The following RAB1A variants were observed in gnomAD, a reference collection of about 807,000 sequenced individuals.
RAB1A encodes RAB1A, member RAS oncogene family.
RAB1A carries 2 observed loss-of-function variants against 26.0 expected under a neutral mutation model. The ratio of observed to expected loss-of-function variants is 0.08; its 90% CI spans 0.03 to 0.24. RAB1A has a LOEUF of 0.24. Among genes scored for constraint, RAB1A ranks in the 10% least tolerant of loss-of-function variants. The pLI, the probability that RAB1A is intolerant of heterozygous loss-of-function variation, is 1.00. For synonymous variants in RAB1A, 84 were observed against 84.9 expected, an observed-to-expected ratio of 0.99 and a Z score of 0.06; for missense variants, 100 against 247.0, an observed-to-expected ratio of 0.40 and a Z score of 3.99.
At chr2:65,099,723 C>T (rs1669373394) in intron 2 of RAB1A, among the ~76,000 whole-genome samples, 1 of 152,196 alleles carries the variant, frequency 6.6e-6, no homozygotes, top group Non-Finnish European at 1.5e-5. Flanking sequence ...CTCAAGCAAT[C>T]CTCCCACCTT....
chr2:65,093,595 T>A (rs1370490548), intron 3 of RAB1A, among the ~76,000 whole-genome samples: 1 of 151,520 alleles, frequency 6.6e-6, no homozygotes, highest in Non-Finnish European at 1.5e-5. Flanking sequence ...GAGGAAATGA[T>A]AGGATTAAAA....
At chr2:65,128,155 T>C (rs997092001) in intron 1 of RAB1A, among the ~76,000 whole-genome samples, 3 of 152,206 alleles carry the variant, frequency 2.0e-5, no homozygotes, top group African/African-American at 2.4e-5. Context: ...AATTCTTTTA[T>C]ATACATTTGA....
At chr2:65,124,693 C>T (rs528336414) in intron 1 of RAB1A, among the ~76,000 whole-genome samples, 4 of 152,186 alleles carry the variant, frequency 2.6e-5, no homozygotes, top group East Asian at 1.9e-4. Context: ...GGTGATCTAC[C>T]GCCTGGGCCT....
chr2:65,105,296 G>C (rs1669526668), intron 1 of RAB1A: 1 of 198,732 alleles, frequency 5.0e-6, no homozygotes, highest in South Asian at 7.2e-5. Context: ...CTTGAGGTCA[G>C]GAGTTCAAGA....
At chr2:65,092,031 T>C (rs754872599) in intron 3 of RAB1A, among the ~76,000 whole-genome samples, 1 of 152,126 alleles carries the variant, frequency 6.6e-6, no homozygotes, top group Non-Finnish European at 1.5e-5. Context: ...TCCCAGCACT[T>C]TGTGGGGCCG....
At chr2:65,129,586 A>C (rs977888611) in intron 1 of RAB1A, among the ~76,000 whole-genome samples, 2 of 151,760 alleles carry the variant, frequency 1.3e-5, no homozygotes, top group Non-Finnish European at 2.9e-5. Flanking sequence ...CTCCGAGAGA[A>C]GATACCCCTT....
chr2:65,100,171 G>A (rs1050763411), intron 2 of RAB1A, among the ~76,000 whole-genome samples: 2 of 152,074 alleles, frequency 1.3e-5, no homozygotes, highest in East Asian at 1.9e-4. Flanking sequence ...GGAGGCCAAG[G>A]TGAGTGGATC....
At chr2:65,127,619 G>C (rs1033013488) in intron 1 of RAB1A, among the ~76,000 whole-genome samples, 2 of 152,156 alleles carry the variant, frequency 1.3e-5, no homozygotes, top group South Asian at 2.1e-4. Flanking sequence ...CCAACTTCTC[G>C]GGAATCTGAG....
intron 1 of RAB1A, among the ~76,000 whole-genome samples, chr2:65,116,426 T>C (rs1180216894): frequency 6.6e-6 from 1 of 152,216 alleles, no homozygotes; most frequent in Non-Finnish European, 1.5e-5. Flanking sequence ...CCATAGGATC[T>C]TGGTGCAAGT....
chr2:65,129,981 C>CGCCACG lies in RAB1A; in HGVS notation c.-72_-67dup. On this transcript the variant is annotated 5_prime_UTR_variant, in exon 1 of 6. Coordinates refer to ENST00000409784, the MANE Select transcript of RAB1A (RefSeq NM_004161.5). ...CCGCAGCCGCCGCCCTGACTCTCCGCGCCACGGGTAATCGAAAGAAAGGAA... is the reference window on the plus strand; with the variant it reads ...CCGCAGCCGCCGCCCTGACTCTCCGCGCCACGGCCACGGGTAATCGAAAGAAAGGAA... 6.6e-7 allele frequency: 1 copy of CGCCACG among 1,524,900 alleles called. No homozygotes were observed. Among genetic ancestry groups the CGCCACG allele is most frequent in the Non-Finnish European group, 8.9e-7 (1 of 1,121,364 alleles). 94.5% of individuals were successfully genotyped at this position (1,524,900 alleles called of 1,614,324 possible).
chr2:65,108,827 T>C (rs946683824), intron 1 of RAB1A, among the ~76,000 whole-genome samples: 1 of 152,290 alleles, frequency 6.6e-6, no homozygotes, highest in Non-Finnish European at 1.5e-5. Flanking sequence ...ATAAAAAAAT[T>C]ATTTATGAGT....
In RAB1A at chr2:65,088,345, T is replaced by C. The variant is rs1021575731; in HGVS notation, c.*148A>G. 18 of 645,556 alleles carry C rather than the reference T, an allele frequency of 2.8e-5. No individual in the cohort carries two copies. The highest frequency in any genetic ancestry group is 4.3e-4 in the Middle Eastern group (1 of 2,350). The allele number at this position is 645,556 out of a possible 1,614,324, so 40.0% of individuals were successfully genotyped here. On this transcript the variant is annotated 3_prime_UTR_variant, in exon 6 of 6. Transcript: ENST00000409784. ...GTCAAGGGAATAAAAAAAAAGTCAGTATTGACCATTTACAATCTCTGACCT... is the reference window on the plus strand; with the variant it reads ...GTCAAGGGAATAAAAAAAAAGTCAGCATTGACCATTTACAATCTCTGACCT...
chr2:65,115,062 TATG>T (rs1337342257), intron 1 of RAB1A, among the ~76,000 whole-genome samples: 1 of 152,138 alleles, frequency 6.6e-6, no homozygotes, highest in Non-Finnish European at 1.5e-5. Context: ...CCTTCCACCA[TATG>T]ATAACACAGC....
intron 1 of RAB1A, among the ~76,000 whole-genome samples, chr2:65,119,603 C>T (rs1382092638): frequency 6.6e-6 from 1 of 150,466 alleles, no homozygotes; most frequent in East Asian, 1.9e-4. Context: ...ACAAAAAAAC[C>T]CTATCAGAAT....
chr2:65,129,747 G>C (rs1480811461), intron 1 of RAB1A, 146 bp downstream of exon 1: 54 of 1,324,988 alleles, frequency 4.1e-5, no homozygotes, highest in Non-Finnish European at 5.4e-5. Context: ...AATGGGGCCC[G>C]ACTCCCGGCC....
chr2:65,123,136 G>C (rs1485579524), intron 1 of RAB1A, among the ~76,000 whole-genome samples: 2 of 151,690 alleles, frequency 1.3e-5, no homozygotes, highest in Non-Finnish European at 2.9e-5. Flanking sequence ...TGCTATGGAA[G>C]GTGAATATAG....
At chr2:65,089,118 C>T (rs1047000601) in intron 4 of RAB1A, 48 bp from the exon 5 acceptor site, 1 of 1,507,816 alleles carries the variant, frequency 6.6e-7, no homozygotes, top group African/African-American at 1.4e-5. Flanking sequence ...TAATATAGTT[C>T]TGGAATAAAC....
At chr2:65,088,916 T>A (rs183264570) in intron 5 of RAB1A, 23 bp downstream of exon 5, 3 of 1,582,036 alleles carry the variant, frequency 1.9e-6, no homozygotes, top group South Asian at 1.1e-5. Context: ...AAATTCAGTA[T>A]GAAAATTAAA....
At chr2:65,098,141 A>C in intron 2 of RAB1A, 75 bp from the exon 3 acceptor site, 2 of 833,926 alleles carry the variant, frequency 2.4e-6, no homozygotes, top group Middle Eastern at 2.5e-4. Context: ...AAAAAAAAAA[A>C]CTGTTGTTCA....
Sources: allele counts gnomAD v4.1 joint callset (sites outside exome capture counted in the v4.1 genomes callset), GRCh38; gene constraint gnomAD v4.1.1; transcripts MANE v1.5; gene names NCBI Gene and HGNC (gene_info 2026-07-23, HGNC 2026-07-21).